The following PPP2R3A variants were observed in gnomAD, a reference collection of about 807,000 sequenced individuals.
PPP2R3A encodes the protein protein phosphatase 2 regulatory subunit B''alpha, also known as serine/threonine-protein phosphatase 2A regulatory subunit B'' subunit alpha.
Under a neutral mutation model 106.9 loss-of-function variants are expected in PPP2R3A, and 80 were observed. The observed-to-expected ratio is 0.75, with a 90% CI of 0.62 to 0.90. PPP2R3A has a LOEUF of 0.90. Among genes scored for constraint, PPP2R3A ranks in the 40% least tolerant of loss-of-function variants. The pLI, the probability that PPP2R3A is intolerant of heterozygous loss-of-function variation, is 0.00. For synonymous variants in PPP2R3A, 483 were observed against 468.3 expected (o/e 1.03, Z -0.41); for missense variants, 1,386 against 1,350.4 (o/e 1.03, Z -0.41).
chr3:136,083,486 A>T (rs1936843111), intron 8 of PPP2R3A, among the ~76,000 whole-genome samples: 1 of 152,172 alleles, frequency 6.6e-6, no homozygotes, highest in African/African-American at 2.4e-5. Context: ...GCCATGTGGA[A>T]CTATGAGTCC....
intron 7 of PPP2R3A, among the ~76,000 whole-genome samples, chr3:136,081,221 G>C (rs1013525695): frequency 2.6e-5 from 4 of 152,050 alleles, no homozygotes; most frequent in African/African-American, 9.7e-5. Context: ...TTGAACTCCT[G>C]ACCTCATGAT....
intron 4 of PPP2R3A, among the ~76,000 whole-genome samples, chr3:136,048,867 A>G (rs1363474370): frequency 1.3e-5 from 2 of 152,300 alleles, no homozygotes; most frequent in Non-Finnish European, 2.9e-5. Flanking sequence ...GTGTCGGGGT[A>G]AAAGGAAGGG....
rs932753959 is a variant in PPP2R3A at position 136,146,497 on chromosome 3, T to C, written c.*1331T>C. The stretch of plus-strand genomic sequence containing the variant: ...TGAAATGAACCTTGGGTTAGAGTTA[T>C]GGTAGGCAAAAAGAAAAGGAGAATT... On this transcript the variant is annotated 3_prime_UTR_variant, in exon 14 of 14. Coordinates refer to ENST00000264977, the MANE Select transcript of PPP2R3A (RefSeq NM_002718.5). 6.6e-6 allele frequency: 1 copy of C among 152,264 alleles called. No individual in the cohort carries two copies. The highest frequency in any genetic ancestry group is 1.5e-5 in the Non-Finnish European group (1 of 68,014). 9.4% of individuals were successfully genotyped at this position (152,264 alleles called of 1,614,324 possible).
chr3:135,975,501 C>T (rs1937393946), intron 1 of PPP2R3A, among the ~76,000 whole-genome samples: 1 of 152,164 alleles, frequency 6.6e-6, no homozygotes. Context: ...TATATAAATA[C>T]AGTCTCTTTG....
intron 5 of PPP2R3A, among the ~76,000 whole-genome samples, chr3:136,069,222 G>T (rs964038726): frequency 6.6e-6 from 1 of 152,162 alleles, no homozygotes; most frequent in Non-Finnish European, 1.5e-5. Context: ...ATTAAGGGAA[G>T]CTGGGAGAGG....
At chr3:136,004,752 A>G (rs963142565) in intron 2 of PPP2R3A, among the ~76,000 whole-genome samples, 2 of 152,198 alleles carry the variant, frequency 1.3e-5, no homozygotes, top group South Asian at 2.1e-4. Context: ...GGGAAATGCA[A>G]CTGAGGAAGG....
At chr3:135,974,023 A>G (rs148316074) in intron 1 of PPP2R3A, among the ~76,000 whole-genome samples, 5 of 152,298 alleles carry the variant, frequency 3.3e-5, no homozygotes, top group Admixed American at 6.5e-5. Flanking sequence ...TGCTAGCTCT[A>G]GTGAATCAGT....
Position 136,106,217 on chromosome 3 carries a change from A to G in PPP2R3A, c.3224A>G (p.Asp1075Gly), listed in dbSNP as rs1937513659. The G allele has an allele frequency of 6.2e-7, 1 of 1,601,050 alleles. No individual in the cohort carries two copies. Among genetic ancestry groups the G allele is most frequent in the East Asian group, 2.2e-5 (1 of 44,686 alleles). ...EQRDPFAVQKDVENDGPEPSD... is the reference protein window; with the variant it reads ...EQRDPFAVQKGVENDGPEPSD... ...CGTGGCTGTCTTCTTTCCAATCAGG[A>G]TGTTGAGAACGATGGGCCTGAGCCC... is the stretch of plus-strand genomic sequence containing the variant. The change falls in exon 13 of 14, where the codon GAT becomes GGT. Residue 1075 changes from aspartate to glycine, a missense_variant and splice_region_variant. By Grantham distance (94) the Asp-to-Gly change is moderately conservative (BLOSUM62 -1). Transcript: ENST00000264977.
At chr3:135,971,676 G>A (rs1937251410) in intron 1 of PPP2R3A, among the ~76,000 whole-genome samples, 2 of 152,164 alleles carry the variant, frequency 1.3e-5, no homozygotes, top group African/African-American at 2.4e-5. Flanking sequence ...TCTGTATAAA[G>A]GATGACTTTG....
chr3:135,989,640 A>G (rs1288807868), intron 1 of PPP2R3A, among the ~76,000 whole-genome samples: 2 of 152,242 alleles, frequency 1.3e-5, no homozygotes, highest in South Asian at 4.1e-4. Flanking sequence ...TAAAATAGTC[A>G]GAATGCTGCC....
chr3:135,991,334 A>G (rs9864247), intron 1 of PPP2R3A, among the ~76,000 whole-genome samples: 38,669 of 151,040 alleles, frequency 0.26, 5,417 homozygotes, highest in Non-Finnish European at 0.32. Flanking sequence ...TGATTTTTAT[A>G]TGTTCTCCTC....
At chr3:136,120,140 G>A (rs541850822) in intron 13 of PPP2R3A, among the ~76,000 whole-genome samples, 2 of 151,746 alleles carry the variant, frequency 1.3e-5, no homozygotes, top group African/African-American at 2.4e-5. Flanking sequence ...GTCCGGGGGG[G>A]GTGGGGGCTA....
rs547946221 is a variant in PPP2R3A at position 135,982,324 on chromosome 3, T to C, written c.-441+16475T>C. 4.6e-5 allele frequency among the ~76,000 whole-genome samples: 7 copies of C among 152,324 alleles called. No homozygotes were observed. The South Asian group carries it at 1.5e-3, about 32-fold the overall frequency. On this transcript the variant is annotated intron_variant, in intron 1 of 13. Coordinates refer to ENST00000264977, the MANE Select transcript of PPP2R3A (RefSeq NM_002718.5). ...CTTTGTCTATATAATGGGTAATTAATAACAAACTCTTGTTGGGCCTCATCT... is the reference window on the plus strand; with the variant it reads ...CTTTGTCTATATAATGGGTAATTAACAACAAACTCTTGTTGGGCCTCATCT...
chr3:135,997,943 T>C (rs941434614), intron 1 of PPP2R3A, among the ~76,000 whole-genome samples: 3 of 152,236 alleles, frequency 2.0e-5, no homozygotes, highest in African/African-American at 7.2e-5. Flanking sequence ...ACAGTGATCT[T>C]TCTGTAACAA....
intron 1 of PPP2R3A, among the ~76,000 whole-genome samples, chr3:135,971,826 C>G (rs1426109275): frequency 1.3e-5 from 2 of 152,164 alleles, no homozygotes; most frequent in Non-Finnish European, 2.9e-5. Flanking sequence ...CTATGCCTGG[C>G]TGGCAGTATA....
At chr3:136,087,818 A>C in intron 8 of PPP2R3A, 65 bp from the exon 9 acceptor site, 1 of 1,328,864 alleles carries the variant, frequency 7.5e-7, no homozygotes, top group Non-Finnish European at 1.1e-6. Context: ...AAATTTGTGA[A>C]AAGTATTGCC....
intron 5 of PPP2R3A, among the ~76,000 whole-genome samples, chr3:136,054,169 A>G (rs1935776829): frequency 6.6e-6 from 1 of 151,860 alleles, no homozygotes; most frequent in Non-Finnish European, 1.5e-5. Flanking sequence ...TGTGAATTAT[A>G]TAATTCCCCC....
At chr3:136,085,241 G>C (rs2107935473) in intron 8 of PPP2R3A, among the ~76,000 whole-genome samples, 1 of 152,000 alleles carries the variant, frequency 6.6e-6, no homozygotes, top group East Asian at 1.9e-4. Flanking sequence ...CTGCTCTCAT[G>C]ATAGTGAGTA....
At chr3:136,032,347 A>G (rs1282603365) in intron 3 of PPP2R3A, among the ~76,000 whole-genome samples, 1 of 152,094 alleles carries the variant, frequency 6.6e-6, no homozygotes, top group East Asian at 1.9e-4. Flanking sequence ...TTGTTGGTGT[A>G]TAGAAGAGCT....
Sources: allele counts gnomAD v4.1 joint callset (sites outside exome capture counted in the v4.1 genomes callset), GRCh38; gene constraint gnomAD v4.1.1; transcripts MANE v1.5; gene names NCBI Gene and HGNC (gene_info 2026-07-23, HGNC 2026-07-21).